PLCB1: variants seen among roughly 807,000 people sequenced by gnomAD.
The protein encoded by PLCB1 is phospholipase C beta 1, also known as 1-phosphatidylinositol 4,5-bisphosphate phosphodiesterase beta-1.
A neutral mutation model predicts 161.8 loss-of-function variants in PLCB1; 46 were observed. The observed-to-expected ratio is 0.28, with a 90% CI of 0.22 to 0.36. PLCB1 has a LOEUF of 0.36. PLCB1 is among the 10% of genes least tolerant of loss of function. The probability of loss-of-function intolerance (pLI) is 1.00; values close to 1 mark genes in which losing one functional copy is unlikely to be tolerated. For synonymous variants in PLCB1, 517 were observed against 503.7 expected, an observed-to-expected ratio of 1.03 and a Z score of -0.35; for missense variants, 1,016 against 1,472.5, an observed-to-expected ratio of 0.69 and a Z score of 5.07.
intron 3 of PLCB1, among the ~76,000 whole-genome samples, chr20:8,558,354 A>G (rs1291650157): frequency 1.3e-5 from 2 of 151,762 alleles, no homozygotes; most frequent in African/African-American, 4.8e-5. Context: ...ATCAACTGTT[A>G]TATATACTCA....
At chr20:8,376,730 C>T (rs964788525) in intron 3 of PLCB1, among the ~76,000 whole-genome samples, 1 of 151,940 alleles carries the variant, frequency 6.6e-6, no homozygotes, top group Non-Finnish European at 1.5e-5. Flanking sequence ...AGATCGAGAC[C>T]ATCCTGGCTA....
chr20:8,540,972 C>T (rs755951329), intron 3 of PLCB1, among the ~76,000 whole-genome samples: 2 of 152,078 alleles, frequency 1.3e-5, no homozygotes, highest in Admixed American at 1.3e-4. Context: ...TTATTGTAAC[C>T]GCCTGGCTCT....
chr20:8,162,628 A>G (rs2051637478), intron 2 of PLCB1, among the ~76,000 whole-genome samples: 1 of 152,230 alleles, frequency 6.6e-6, no homozygotes, highest in African/African-American at 2.4e-5. Context: ...GGATTGTGGT[A>G]ATGATTTTTC....
intron 3 of PLCB1, among the ~76,000 whole-genome samples, chr20:8,453,716 G>C (rs1458068934): frequency 6.6e-6 from 1 of 152,162 alleles, no homozygotes; most frequent in Non-Finnish European, 1.5e-5. Context: ...GGTGTTCAAG[G>C]AAAGCATCTT....
At chr20:8,209,331 A>G (rs1443991488) in intron 2 of PLCB1, among the ~76,000 whole-genome samples, 1 of 152,126 alleles carries the variant, frequency 6.6e-6, no homozygotes, top group Non-Finnish European at 1.5e-5. Context: ...TTCAGTAACC[A>G]AATGACTTTC....
chr20:8,712,257 T>C (rs1264235940), intron 12 of PLCB1, among the ~76,000 whole-genome samples: 2 of 152,018 alleles, frequency 1.3e-5, no homozygotes, highest in Non-Finnish European at 2.9e-5. Flanking sequence ...ATCACGCCAC[T>C]GCACTCCAGC....
intron 2 of PLCB1, among the ~76,000 whole-genome samples, chr20:8,330,984 A>T (rs1418082354): frequency 6.6e-6 from 1 of 152,258 alleles, no homozygotes; most frequent in Non-Finnish European, 1.5e-5. Context: ...AGGTTAAACT[A>T]TATAAAATAC....
chr20:8,462,975 G>A (rs1360934689), intron 3 of PLCB1, among the ~76,000 whole-genome samples: 4 of 151,910 alleles, frequency 2.6e-5, no homozygotes, highest in East Asian at 1.9e-4. Flanking sequence ...TTCCAACCTC[G>A]AATAAATGAG....
chr20:8,679,626 G>A (rs751821025), intron 9 of PLCB1, among the ~76,000 whole-genome samples: 2 of 152,182 alleles, frequency 1.3e-5, no homozygotes, highest in Non-Finnish European at 2.9e-5. Context: ...ACATCTTTAG[G>A]AGCATTGTTT....
chr20:8,462,701 C>T (rs554375672), intron 3 of PLCB1, among the ~76,000 whole-genome samples: 84 of 152,228 alleles, frequency 5.5e-4, no homozygotes, highest in African/African-American at 1.5e-3. Context: ...GAGACTGAAT[C>T]GGTGCTGGGT....
intron 2 of PLCB1, 41 bp from the exon 3 acceptor site, chr20:8,371,341 T>C (rs751145824): frequency 6.5e-6 from 9 of 1,387,102 alleles, no homozygotes; most frequent in Non-Finnish European, 9.2e-6. Flanking sequence ...AGAGGAAAGG[T>C]CTGTGTCGTT....
intron 2 of PLCB1, among the ~76,000 whole-genome samples, chr20:8,309,963 G>C (rs1372079751): frequency 2.0e-5 from 3 of 151,618 alleles, no homozygotes; most frequent in Admixed American, 6.6e-5. Flanking sequence ...TGGTTGATTG[G>C]TTTTCTTAGG....
At chr20:8,732,967 A>C (rs868295768) in intron 18 of PLCB1, among the ~76,000 whole-genome samples, 4 of 151,008 alleles carry the variant, frequency 2.6e-5, no homozygotes, top group Admixed American at 6.6e-5. Flanking sequence ...TAAGGCAGAT[A>C]CATATTAAAT....
At chr20:8,586,433 C>A (rs1413794280) in intron 3 of PLCB1, among the ~76,000 whole-genome samples, 1 of 151,986 alleles carries the variant, frequency 6.6e-6, no homozygotes, top group Admixed American at 6.6e-5. Flanking sequence ...TATCCAGGGA[C>A]ATTTTTCACA....
At chr20:8,180,101 G>A (rs958041917) in intron 2 of PLCB1, among the ~76,000 whole-genome samples, 5 of 151,682 alleles carry the variant, frequency 3.3e-5, no homozygotes, top group Admixed American at 2.0e-4. Context: ...CTCGTGATCC[G>A]CCCGCCTCGG....
At chr20:8,411,208 T>C (rs1979028665) in intron 3 of PLCB1, among the ~76,000 whole-genome samples, 1 of 152,182 alleles carries the variant, frequency 6.6e-6, no homozygotes, top group Non-Finnish European at 1.5e-5. Flanking sequence ...AAGTGCAAAA[T>C]ACACAGTGAA....
intron 2 of PLCB1, among the ~76,000 whole-genome samples, chr20:8,292,018 C>T (rs1048954968): frequency 6.6e-5 from 10 of 152,182 alleles, no homozygotes; most frequent in Admixed American, 4.6e-4. Context: ...GTTATAAAGT[C>T]AGCACATAGT....
intron 31 of PLCB1, among the ~76,000 whole-genome samples, chr20:8,864,178 G>T (rs1005388588): frequency 6.6e-6 from 1 of 152,174 alleles, no homozygotes; most frequent in Non-Finnish European, 1.5e-5. Flanking sequence ...AAATGATGTG[G>T]TAGGCCTTTG....
At chr20:8,672,092 G>A (rs981955346) in intron 9 of PLCB1, among the ~76,000 whole-genome samples, 1 of 152,074 alleles carries the variant, frequency 6.6e-6, no homozygotes, top group African/African-American at 2.4e-5. Context: ...ATGTTTAATG[G>A]CATGAAACAC....
Sources: allele counts gnomAD v4.1 joint callset (sites outside exome capture counted in the v4.1 genomes callset), GRCh38; gene constraint gnomAD v4.1.1; transcripts MANE v1.5; gene names NCBI Gene and HGNC (gene_info 2026-07-23, HGNC 2026-07-21).